The following TEKT5 variants were observed in gnomAD, a reference collection of about 807,000 sequenced individuals.
TEKT5 encodes the protein tektin 5.
In TEKT5, 52 loss-of-function variants were observed where a neutral mutation model predicts 48.7. The observed-to-expected ratio is 1.07, with a 90% CI of 0.86 to 1.35. TEKT5 has a LOEUF of 1.35. Ranked by LOEUF, TEKT5 falls within the 40% of genes most tolerant of loss-of-function variation. The pLI, the probability that TEKT5 is intolerant of heterozygous loss-of-function variation, is 0.00. For missense variants in TEKT5, 831 were observed against 641.6 expected (o/e 1.30, Z -3.19); for synonymous variants, 318 against 267.6 (o/e 1.19, Z -1.84).
chr16:10,647,967 A>G (rs1278188575), intron 5 of TEKT5, among the ~76,000 whole-genome samples: 1 of 152,250 alleles, frequency 6.6e-6, no homozygotes, highest in African/African-American at 2.4e-5. Flanking sequence ...GCTTTTTTAC[A>G]CAACAATCAC....
chr16:10,675,565 A>G (rs573701373), intron 5 of TEKT5, among the ~76,000 whole-genome samples: 4 of 152,206 alleles, frequency 2.6e-5, no homozygotes, highest in Non-Finnish European at 5.9e-5. Context: ...TTGGAAGTCA[A>G]AGATTACACT....
At chr16:10,646,504 G>A (rs747393808) in intron 5 of TEKT5, among the ~76,000 whole-genome samples, 1 of 152,154 alleles carries the variant, frequency 6.6e-6, no homozygotes, top group Non-Finnish European at 1.5e-5. Context: ...CTCATAAGCT[G>A]TAAAACATTC....
At chr16:10,676,623 AAGAAGCAGGCTTTGGGCCTGCTTCTT>A (rs1898652093) in intron 4 of TEKT5, among the ~76,000 whole-genome samples, 1 of 152,176 alleles carries the variant, frequency 6.6e-6, no homozygotes, top group Non-Finnish European at 1.5e-5. Flanking sequence ...TGGACAAGCC[AAGAAGCAGGCTTTGGGCCTGCTTCTT>A]CATTGGGGTC....
intron 3 of TEKT5, among the ~76,000 whole-genome samples, chr16:10,686,273 C>A (rs552145330): frequency 6.6e-6 from 1 of 152,090 alleles, no homozygotes; most frequent in East Asian, 1.9e-4. Flanking sequence ...CTATCTCACA[C>A]TGCAGACAAA....
At chr16:10,636,450 G>C (rs902312932) in intron 5 of TEKT5, among the ~76,000 whole-genome samples, 1 of 151,940 alleles carries the variant, frequency 6.6e-6, no homozygotes, top group Non-Finnish European at 1.5e-5. Context: ...CTGTGGACAT[G>C]GAAGACGGGC....
At chr16:10,663,655 G>A (rs1898411059) in intron 5 of TEKT5, among the ~76,000 whole-genome samples, 1 of 152,164 alleles carries the variant, frequency 6.6e-6, no homozygotes, top group African/African-American at 2.4e-5. Flanking sequence ...TGGCACTCTT[G>A]ACATTTGAGC....
intron 1 of TEKT5, among the ~76,000 whole-genome samples, chr16:10,691,108 C>T (rs1403653454): frequency 2.6e-5 from 4 of 152,198 alleles, no homozygotes; most frequent in Middle Eastern, 3.2e-3. Flanking sequence ...CTTTGGGAAG[C>T]CAAGGTGGGA....
chr16:10,667,046 C>T (rs1306518821), intron 5 of TEKT5, among the ~76,000 whole-genome samples: 31 of 147,938 alleles, frequency 2.1e-4, no homozygotes, highest in Non-Finnish European at 4.5e-4. Context: ...TGCAGTGGCA[C>T]AATCACAGCT....
At chr16:10,677,105 C>T (rs930192546) in intron 4 of TEKT5, among the ~76,000 whole-genome samples, 2 of 152,144 alleles carry the variant, frequency 1.3e-5, no homozygotes, top group Non-Finnish European at 2.9e-5. Flanking sequence ...GTGGGAGGAT[C>T]GCTTGAGCCC....
chr16:10,660,325 C>T (rs1204010839), intron 5 of TEKT5, among the ~76,000 whole-genome samples: 12 of 152,200 alleles, frequency 7.9e-5, no homozygotes, highest in Non-Finnish European at 1.5e-4. Context: ...CTTTGGGCCA[C>T]ATGCCCCCAC....
intron 5 of TEKT5, among the ~76,000 whole-genome samples, chr16:10,647,857 C>T (rs1898095097): frequency 6.6e-6 from 1 of 152,240 alleles, no homozygotes; most frequent in Non-Finnish European, 1.5e-5. Flanking sequence ...CTACTTAGTG[C>T]CAAGCACTGT....
At chr16:10,644,437 T>G (rs1317803020) in intron 5 of TEKT5, among the ~76,000 whole-genome samples, 1 of 152,126 alleles carries the variant, frequency 6.6e-6, no homozygotes, top group African/African-American at 2.4e-5. Context: ...TGCAGATCCT[T>G]GAGCCCTACA....
chr16:10,670,158 C>T (rs1322810035), intron 5 of TEKT5, among the ~76,000 whole-genome samples: 2 of 152,238 alleles, frequency 1.3e-5, no homozygotes, highest in Non-Finnish European at 2.9e-5. Context: ...AGGATGGGCA[C>T]TTGGAATTTT....
intron 5 of TEKT5, among the ~76,000 whole-genome samples, chr16:10,659,091 C>A (rs977467473): frequency 1.3e-5 from 2 of 152,172 alleles, no homozygotes; most frequent in African/African-American, 4.8e-5. Flanking sequence ...CTGGTCTCTA[C>A]CCACTAAATG....
intron 5 of TEKT5, among the ~76,000 whole-genome samples, chr16:10,641,315 T>G (rs953092199): frequency 6.6e-6 from 1 of 152,026 alleles, no homozygotes; most frequent in Non-Finnish European, 1.5e-5. Context: ...GCATCAGAGA[T>G]GATATTAACC....
chr16:10,661,436 T>C (rs1390708903), intron 5 of TEKT5, among the ~76,000 whole-genome samples: 1 of 152,186 alleles, frequency 6.6e-6, no homozygotes, highest in African/African-American at 2.4e-5. Context: ...TCTACATTTT[T>C]ACAAACTCCC....
chr16:10,643,130 C>T (rs1191128656), intron 5 of TEKT5, among the ~76,000 whole-genome samples: 3 of 152,116 alleles, frequency 2.0e-5, no homozygotes, highest in Admixed American at 6.5e-5. Flanking sequence ...CCTGTAATCC[C>T]AGCACTTTGG....
intron 5 of TEKT5, among the ~76,000 whole-genome samples, chr16:10,643,278 C>T (rs1210650883): frequency 1.3e-5 from 2 of 151,688 alleles, no homozygotes; most frequent in Non-Finnish European, 2.9e-5. Context: ...AGTCAGAAGG[C>T]TGAGGTGAGA....
chr16:10,693,177 C>T (rs975623618), intron 1 of TEKT5, among the ~76,000 whole-genome samples: 2 of 152,162 alleles, frequency 1.3e-5, no homozygotes, highest in African/African-American at 4.8e-5. Flanking sequence ...CTCACTGCAA[C>T]CTCCGCCTCC....
Sources: allele counts gnomAD v4.1 joint callset (sites outside exome capture counted in the v4.1 genomes callset), GRCh38; gene constraint gnomAD v4.1.1; transcripts MANE v1.5; gene names NCBI Gene and HGNC (gene_info 2026-07-23, HGNC 2026-07-21).